Variants in ARMC6 observed in about 807,000 individuals in gnomAD.
The protein encoded by ARMC6 is armadillo repeat-containing protein 6.
A neutral mutation model predicts 49.2 loss-of-function variants in ARMC6; 43 were observed. That is an observed-to-expected ratio of 0.87 (90% CI 0.69 to 1.13). The LOEUF is 1.13. Among genes scored for constraint, ARMC6 ranks in the 50% most tolerant of loss-of-function variants. The probability of loss-of-function intolerance (pLI) is 0.00; values close to 1 mark genes in which losing one functional copy is unlikely to be tolerated. For synonymous variants in ARMC6, 262 were observed against 289.6 expected (o/e 0.90, Z 0.97); for missense variants, 627 against 682.0 (o/e 0.92, Z 0.90).
chr19:19,034,000 G>T, intron 1 of ARMC6, 70 bp downstream of exon 1: 1 of 558,698 alleles, frequency 1.8e-6, no homozygotes. Flanking sequence ...GGGTCGGGCT[G>T]GCGCGACCCT....
chr19:19,039,333 T>C, intron 2 of ARMC6: 1 of 452,558 alleles, frequency 2.2e-6, no homozygotes, highest in Middle Eastern at 3.3e-4. Flanking sequence ...GACGGGGCCT[T>C]ACTATGTTGT....
chr19:19,047,822 A>G (rs1477443283), intron 4 of ARMC6, among the ~76,000 whole-genome samples: 1 of 152,222 alleles, frequency 6.6e-6, no homozygotes, highest in African/African-American at 2.4e-5. Flanking sequence ...TTAGGGAGAC[A>G]TGAGATATCA....
intron 8 of ARMC6, among the ~76,000 whole-genome samples, chr19:19,057,133 G>A (rs754987791): frequency 2.2e-4 from 34 of 152,372 alleles, no homozygotes; most frequent in Admixed American, 7.8e-4. Context: ...CCAGCCTCGG[G>A]GGACCTCAGG....
chr19:19,053,262 AG>A (rs977918869), intron 5 of ARMC6, among the ~76,000 whole-genome samples: 1 of 152,158 alleles, frequency 6.6e-6, no homozygotes, highest in African/African-American at 2.4e-5. Flanking sequence ...CTGAGGTAGA[AG>A]GATTGTTTGG....
chr19:19,037,697 C>T (rs1568487425), intron 2 of ARMC6: 9 of 1,146,652 alleles, frequency 7.8e-6, no homozygotes, highest in Non-Finnish European at 7.6e-6. Flanking sequence ...GATATTACTG[C>T]AATAAGCAAG....
At chr19:19,035,231 C>T (rs540159191) in intron 2 of ARMC6, among the ~76,000 whole-genome samples, 2 of 152,128 alleles carry the variant, frequency 1.3e-5, no homozygotes, top group African/African-American at 2.4e-5. Context: ...TTCTCAAACT[C>T]CTGACCTCAA....
rs374698571 is a variant in ARMC6 at position 19,055,255 on chromosome 19, C to G, written c.1024-10C>G. On this transcript the variant is annotated splice_polypyrimidine_tract_variant and intron_variant, in intron 6 of 8. Coordinates refer to ENST00000535612, the MANE Select transcript of ARMC6 (RefSeq NM_001199196.2). This position sits in a 1 kb window ranked among gnomAD's most constrained non-coding sequence, Gnocchi z 5.7. Reference sequence around the variant, plus strand: ...CTGGCTGGAGGTGAGCGGGCCTTTCCCTTGTGCAGGAGCTCGTGAAGCAAG... The same window carrying G: ...CTGGCTGGAGGTGAGCGGGCCTTTCGCTTGTGCAGGAGCTCGTGAAGCAAG... 1.3e-5 allele frequency: 21 copies of G among 1,586,140 alleles called. No individual in the cohort carries two copies. Among genetic ancestry groups the G allele is most frequent in the Non-Finnish European group, 1.8e-5 (21 of 1,166,514 alleles).
intron 4 of ARMC6, among the ~76,000 whole-genome samples, chr19:19,048,580 G>A (rs2059471032): frequency 6.6e-6 from 1 of 151,990 alleles, no homozygotes; most frequent in African/African-American, 2.4e-5. Context: ...TCAATAGAAA[G>A]GAATATTTTG....
At chr19:19,051,365 CTCTCTCTCTCTGTGTGTG>C (rs1473847658) in intron 4 of ARMC6, among the ~76,000 whole-genome samples, 1 of 129,056 alleles carries the variant, frequency 7.7e-6, no homozygotes, top group African/African-American at 3.7e-5. Context: ...CTGGATCTCT[CTCTCTCTCTCTGTGTGTG>C]TGTGTGTGTG....
At chr19:19,048,678 T>C (rs977457505) in intron 4 of ARMC6, among the ~76,000 whole-genome samples, 1 of 152,198 alleles carries the variant, frequency 6.6e-6, no homozygotes, top group African/African-American at 2.4e-5. Context: ...ATATTTCTTA[T>C]CAGACTTAAA....
At chr19:19,050,596 T>C (rs2059488074) in intron 4 of ARMC6, among the ~76,000 whole-genome samples, 1 of 152,228 alleles carries the variant, frequency 6.6e-6, no homozygotes, top group African/African-American at 2.4e-5. Flanking sequence ...CATTTGTATG[T>C]ATTCTTTGTA....
chr19:19,054,248 G>A lies in ARMC6; in HGVS notation c.950G>A (p.Gly317Glu). ...TTCTGCCAGGAGGTCGTCGACCTCGGGGGCCTGAGCATTCTGGTGTCCCTG... is the reference window on the plus strand; with the variant it reads ...TTCTGCCAGGAGGTCGTCGACCTCGAGGGCCTGAGCATTCTGGTGTCCCTG... ...NEFCQEVVDL[G>E]GLSILVSLLA... Residue 317 changes from glycine (G) to glutamate (E), a missense_variant, in exon 6 of 9, where the codon GGG becomes GAG. Transcript: ENST00000535612. 6.2e-7 allele frequency: 1 copy of A among 1,612,018 alleles called. No homozygotes were observed. The highest frequency in any genetic ancestry group is 8.5e-7 in the Non-Finnish European group (1 of 1,179,126).
In ARMC6 at chr19:19,051,730, C is replaced by A; in HGVS notation, c.388C>A (p.Leu130Ile). The A allele has an allele frequency of 1.2e-6, 2 of 1,614,060 alleles. No homozygotes were observed. Among genetic ancestry groups the A allele is most frequent in the Non-Finnish European group, 1.7e-6 (2 of 1,180,048 alleles). Residue 130 changes from leucine to isoleucine, a missense_variant, in exon 5 of 9, where the codon CTC becomes ATC. Transcript: ENST00000535612. ...QCKQDKACRF[L>I]AAQKGAYPII... ...CAAACAGGACAAGGCCTGCCGCTTCCTCGCGGCCCAGAAGGGGGCCTACCC... is the reference window on the plus strand; with the variant it reads ...CAAACAGGACAAGGCCTGCCGCTTCATCGCGGCCCAGAAGGGGGCCTACCC...
intron 4 of ARMC6, among the ~76,000 whole-genome samples, chr19:19,045,262 G>A (rs1449990662): frequency 2.6e-5 from 4 of 152,116 alleles, no homozygotes; most frequent in South Asian, 2.1e-4. Context: ...ATCTGCCCGC[G>A]TTGGCCTCCC....
At chr19:19,052,574 G>A (rs796212515) in intron 5 of ARMC6, among the ~76,000 whole-genome samples, 5 of 152,174 alleles carry the variant, frequency 3.3e-5, no homozygotes, top group South Asian at 2.1e-4. Context: ...ATGTGTACAC[G>A]CTTGATCATA....
chr19:19,047,793 C>T (rs1421789066), intron 4 of ARMC6, among the ~76,000 whole-genome samples: 2 of 152,160 alleles, frequency 1.3e-5, no homozygotes, highest in Non-Finnish European at 2.9e-5. Flanking sequence ...GGTCGGGCTA[C>T]AGCTTGGTTT....
rs753944717 is a variant in ARMC6 at position 19,054,240 on chromosome 19, C to T, written c.942C>T (p.Val314=). 1.3e-5 allele frequency: 21 copies of T among 1,611,886 alleles called. No individual in the cohort carries two copies. Among genetic ancestry groups the T allele is most frequent in the East Asian group, 6.7e-5 (3 of 44,596 alleles). The change falls in exon 6 of 9, where the codon GTC becomes GTT. Residue 314 remains valine, a synonymous_variant. Transcript: ENST00000535612. ...GCAACGAGTTCTGCCAGGAGGTCGT[C>T]GACCTCGGGGGCCTGAGCATTCTGG... is the stretch of plus-strand genomic sequence containing the variant. The part of the protein sequence containing the change: ...AIRNEFCQEV[V]DLGGLSILVS...
intron 4 of ARMC6, among the ~76,000 whole-genome samples, chr19:19,048,907 G>A (rs945280468): frequency 6.6e-5 from 10 of 152,026 alleles, no homozygotes; most frequent in African/African-American, 2.4e-4. Context: ...AAAGTCTTAC[G>A]ATGATCAGTT....
At chr19:19,042,688 C>T (rs2059419536) in intron 2 of ARMC6, 23 bp from the exon 3 acceptor site, 1 of 1,610,000 alleles carries the variant, frequency 6.2e-7, no homozygotes, top group Non-Finnish European at 8.5e-7. Flanking sequence ...TGAGGTAGCT[C>T]TCTCTTTGCC....
Sources: gnomAD v4.1 joint callset for allele counts (sites outside exome capture counted in the v4.1 genomes callset) on GRCh38, gnomAD v4.1.1 for gene constraint, Gnocchi (gnomAD v3.1) non-coding constraint, MANE v1.5 for transcripts, NCBI Gene and HGNC (gene_info 2026-07-23, HGNC 2026-07-21) for gene names.